The following ANO2 variants were observed in gnomAD, a reference collection of about 807,000 sequenced individuals.
ANO2 encodes anoctamin 2.
Under a neutral mutation model 124.2 loss-of-function variants are expected in ANO2, and 101 were observed. That is an observed-to-expected ratio of 0.81 (90% CI 0.69 to 0.96). The LOEUF (loss-of-function observed/expected upper bound fraction) is 0.96, where lower values mean the gene tolerates loss of function less well. Among genes scored for constraint, ANO2 ranks in the 40% least tolerant of loss-of-function variants. The probability of loss-of-function intolerance (pLI) is 0.00; values close to 1 mark genes in which losing one functional copy is unlikely to be tolerated. For synonymous variants in ANO2, 486 were observed against 482.5 expected, an observed-to-expected ratio of 1.01 and a Z score of -0.09; for missense variants, 1,293 against 1,274.5, an observed-to-expected ratio of 1.01 and a Z score of -0.22.
At chr12:5,850,812 A>C (rs1954867713) in intron 4 of ANO2, among the ~76,000 whole-genome samples, 1 of 152,202 alleles carries the variant, frequency 6.6e-6, no homozygotes, top group East Asian at 1.9e-4. Flanking sequence ...CTTTGGTCAG[A>C]AAGGAAGTTG....
chr12:5,920,341 A>G (rs1941627597), intron 3 of ANO2, among the ~76,000 whole-genome samples: 1 of 152,182 alleles, frequency 6.6e-6, no homozygotes, highest in African/African-American at 2.4e-5. Context: ...TTATTCCAAA[A>G]TTCAACAAGG....
At position 5,759,199 on chromosome 12, in the gene ANO2, C is replaced by T. The variant is rs61909769; in HGVS notation, c.1056-8229G>A. On this transcript the variant is annotated intron_variant, in intron 10 of 24. Coordinates refer to ENST00000682330, the MANE Select transcript of ANO2 (RefSeq NM_001364791.2). ...ACACAAATCAACAATGTTCAGAGAA[C>T]CCATGAAGAATAAATACAAAAACAA... is the stretch of plus-strand genomic sequence containing the variant. Among the ~76,000 whole-genome samples the T allele has an allele frequency of 1.3e-3, 195 of 147,010 alleles. 1 individual carries two copies. Among genetic ancestry groups the T allele is most frequent in the Middle Eastern group, 3.5e-3 (1 of 284 alleles).
At chr12:5,665,888 G>T (rs1465994459) in intron 14 of ANO2, among the ~76,000 whole-genome samples, 3 of 151,846 alleles carry the variant, frequency 2.0e-5, no homozygotes, top group African/African-American at 7.3e-5. Context: ...CTGGCTGGGG[G>T]ATTTTTTTCC....
intron 14 of ANO2, among the ~76,000 whole-genome samples, chr12:5,650,106 C>T (rs189601088): frequency 2.1e-3 from 324 of 152,232 alleles, no homozygotes; most frequent in African/African-American, 7.6e-3. Context: ...GGTTCAGTCC[C>T]ACTCAACAGA....
intron 14 of ANO2, among the ~76,000 whole-genome samples, chr12:5,712,816 C>T (rs1408180936): frequency 6.6e-6 from 1 of 152,088 alleles, no homozygotes; most frequent in African/African-American, 2.4e-5. Context: ...TGCATGTGCA[C>T]AGCCACCAAC....
intron 16 of ANO2, among the ~76,000 whole-genome samples, chr12:5,625,217 G>C (rs944198586): frequency 6.6e-6 from 1 of 152,166 alleles, no homozygotes; most frequent in African/African-American, 2.4e-5. Context: ...CACAGAGACA[G>C]AAGTGGAAGC....
rs1255185481 is a variant in ANO2 at position 5,904,363 on chromosome 12, G to A, written c.534+16677C>T. On this transcript the variant is annotated intron_variant, in intron 3 of 24. Coordinates refer to ENST00000682330, the MANE Select transcript of ANO2 (RefSeq NM_001364791.2). The surrounding 1 kb of genome is among the most constrained non-coding windows in gnomAD (Gnocchi z 4.1). ...GAAAAATGCAGCTGCCGCAAAGCAG[G>A]GTTACACTGAAGGGTCTGAATGAGT... Among the ~76,000 whole-genome samples the A allele has an allele frequency of 6.6e-6, 1 of 152,176 alleles. No individual in the cohort carries two copies. The highest frequency in any genetic ancestry group is 1.5e-5 in the Non-Finnish European group (1 of 68,042).
intron 23 of ANO2, among the ~76,000 whole-genome samples, chr12:5,569,751 T>G (rs1473700357): frequency 6.6e-6 from 1 of 152,112 alleles, no homozygotes; most frequent in Non-Finnish European, 1.5e-5. Context: ...TGTGTATACC[T>G]TGCATTTTAA....
At chr12:5,880,228 C>T (rs1938389221) in intron 3 of ANO2, among the ~76,000 whole-genome samples, 1 of 152,158 alleles carries the variant, frequency 6.6e-6, no homozygotes, top group East Asian at 1.9e-4. Flanking sequence ...TTATGAAGAC[C>T]TTAAACTTGA....
At chr12:5,806,230 G>A in intron 8 of ANO2, 137 bp from the exon 9 acceptor site, 1 of 832,850 alleles carries the variant, frequency 1.2e-6, no homozygotes, top group Non-Finnish European at 1.8e-6. Context: ...CAAAAGCATG[G>A]CATGGTAAGG....
intron 19 of ANO2, among the ~76,000 whole-genome samples, chr12:5,610,087 T>A (rs1451004356): frequency 7.5e-6 from 1 of 133,752 alleles, no homozygotes; most frequent in Non-Finnish European, 1.5e-5. Flanking sequence ...AATATAAATA[T>A]ATATATTTAT....
rs1942991862 is a variant in ANO2, at chr12:5,943,887, C to T, written c.22+1309G>A. ...CCCCAGTAGGCCCAAATGCCTCTCA[C>T]CCTGCAGCCTTGCCCCACAATGGAA... On this transcript the variant is annotated intron_variant, in intron 1 of 24. Coordinates refer to ENST00000682330, the MANE Select transcript of ANO2 (RefSeq NM_001364791.2). Among the ~76,000 whole-genome samples the T allele has an allele frequency of 2.0e-5, 3 of 152,270 alleles. No homozygotes were observed. The South Asian group carries it at 6.2e-4, about 32-fold the overall frequency.
chr12:5,737,587 G>A (rs1409586157), intron 13 of ANO2, among the ~76,000 whole-genome samples: 1 of 152,178 alleles, frequency 6.6e-6, no homozygotes, highest in African/African-American at 2.4e-5. Context: ...CAGGCTTGGA[G>A]GCCAAAATGC....
rs368318523 is a variant in ANO2 at position 5,578,534 on chromosome 12, G to A, written c.2234-16C>T. 1.9e-6 allele frequency: 3 copies of A among 1,609,268 alleles called. No individual in the cohort carries two copies. Among genetic ancestry groups the A allele is most frequent in the East Asian group, 2.2e-5 (1 of 44,666 alleles). ...AACTGGATGACTGCGAGAGAGCACA[G>A]CATGAGGGCTTCAGCAGGAACAAGC... On this transcript the variant is annotated splice_polypyrimidine_tract_variant and intron_variant, in intron 20 of 24. Transcript: ENST00000682330.
intron 14 of ANO2, among the ~76,000 whole-genome samples, chr12:5,700,790 C>CA (rs1949370334): frequency 6.6e-6 from 1 of 152,176 alleles, no homozygotes; most frequent in Non-Finnish European, 1.5e-5. Flanking sequence ...TCCACCCACT[C>CA]AACCCCACAA....
intron 10 of ANO2, among the ~76,000 whole-genome samples, chr12:5,775,618 C>T (rs1009969558): frequency 2.0e-5 from 3 of 152,164 alleles, no homozygotes; most frequent in East Asian, 1.9e-4. Context: ...TCTGCCACCA[C>T]GCCCAGCTAA....
chr12:5,739,213 G>T, intron 13 of ANO2, 104 bp downstream of exon 13: 4 of 1,124,734 alleles, frequency 3.6e-6, no homozygotes, highest in Middle Eastern at 1.9e-4. Flanking sequence ...TCCAGCCAGT[G>T]ACAGCAAACA....
At chr12:5,846,862 C>A (rs1036707624) in intron 4 of ANO2, among the ~76,000 whole-genome samples, 1 of 152,212 alleles carries the variant, frequency 6.6e-6, no homozygotes, top group African/African-American at 2.4e-5. Flanking sequence ...CTGCAAAGAT[C>A]TTTTTTCCAA....
Position 5,635,458 on chromosome 12 carries a change from C to A in ANO2, c.1621-111G>T, listed in dbSNP as rs1945965612. ...TTATCAGATATTATTAATCTGGAAT[C>A]TTTTGTTGGGTAACAAGGGATTCCA... On this transcript the variant is annotated intron_variant, in intron 15 of 24. Coordinates refer to ENST00000682330, the MANE Select transcript of ANO2 (RefSeq NM_001364791.2). This position sits in a 1 kb window ranked among gnomAD's most constrained non-coding sequence, Gnocchi z 5.2. The A allele has an allele frequency of 1.1e-6, 1 of 899,566 alleles. No homozygotes were observed. The highest frequency in any genetic ancestry group is 3.9e-5 in the Admixed American group (1 of 25,394). 55.7% of individuals were successfully genotyped at this position (899,566 alleles called of 1,614,324 possible).
Sources: gnomAD v4.1 joint callset for allele counts (sites outside exome capture counted in the v4.1 genomes callset) on GRCh38, gnomAD v4.1.1 for gene constraint, Gnocchi (gnomAD v3.1) non-coding constraint, MANE v1.5 for transcripts, NCBI Gene and HGNC (gene_info 2026-07-23, HGNC 2026-07-21) for gene names.